ALKBH3: variants seen among roughly 807,000 people sequenced by gnomAD.
ALKBH3 encodes the protein alpha-ketoglutarate-dependent dioxygenase alkB homolog 3.
ALKBH3 carries 51 observed loss-of-function variants against 43.9 expected under a neutral mutation model. The observed-to-expected ratio is 1.16, with a 90% CI of 0.93 to 1.47. ALKBH3 has a LOEUF of 1.47. ALKBH3 is among the 40% of genes most tolerant of loss of function. The probability of loss-of-function intolerance (pLI) is 0.00; values close to 1 mark genes in which losing one functional copy is unlikely to be tolerated. For missense variants in ALKBH3, 361 were observed against 351.9 expected (o/e 1.03, Z -0.21); for synonymous variants, 102 against 115.2 (o/e 0.89, Z 0.73).
chr11:43,896,546 T>C (rs1590371287), intron 7 of ALKBH3, among the ~76,000 whole-genome samples: 1 of 152,298 alleles, frequency 6.6e-6, no homozygotes, highest in East Asian at 1.9e-4. Context: ...GATTAGATTG[T>C]GCTCACCAGA....
intron 7 of ALKBH3, chr11:43,899,144 AC>A: frequency 1.3e-6 from 1 of 780,244 alleles, no homozygotes; most frequent in Non-Finnish European, 2.3e-6. Context: ...CGCCACAGCC[AC>A]CCAAAAAGGA....
At chr11:43,898,635 C>T in intron 7 of ALKBH3, 1 of 732,456 alleles carries the variant, frequency 1.4e-6, no homozygotes, top group Non-Finnish European at 2.6e-6. Flanking sequence ...AAGGGGTGAA[C>T]ATGCGCCACT....
intron 8 of ALKBH3, among the ~76,000 whole-genome samples, chr11:43,904,936 C>T (rs763801675): frequency 3.9e-5 from 6 of 152,068 alleles, no homozygotes; most frequent in Non-Finnish European, 8.8e-5. Flanking sequence ...TCATGTCTGT[C>T]ACCGAGACGT....
intron 7 of ALKBH3, among the ~76,000 whole-genome samples, chr11:43,892,966 A>C (rs35411360): frequency 0.023 from 3,461 of 152,350 alleles, 49 homozygotes; most frequent in Non-Finnish European, 0.033. Flanking sequence ...GGCTGCATTT[A>C]GAATGTGAGC....
intron 7 of ALKBH3, chr11:43,897,555 C>T (rs1646648454): frequency 1.3e-6 from 1 of 781,870 alleles, no homozygotes; most frequent in Non-Finnish European, 2.4e-6. Flanking sequence ...TCCTTTGATT[C>T]CGACATTCAT....
At chr11:43,903,794 C>G (rs528964059) in intron 8 of ALKBH3, among the ~76,000 whole-genome samples, 1 of 152,248 alleles carries the variant, frequency 6.6e-6, no homozygotes, top group South Asian at 2.1e-4. Flanking sequence ...TAAGAATTCC[C>G]TAAGTATGCT....
At chr11:43,908,975 T>C (rs1951916746) in intron 8 of ALKBH3, among the ~76,000 whole-genome samples, 1 of 152,208 alleles carries the variant, frequency 6.6e-6, no homozygotes, top group Non-Finnish European at 1.5e-5. Flanking sequence ...GTGCCTGGTA[T>C]AGGATGATTG....
At chr11:43,915,023 T>C (rs1951972198) in intron 8 of ALKBH3, among the ~76,000 whole-genome samples, 1 of 151,802 alleles carries the variant, frequency 6.6e-6, no homozygotes, top group African/African-American at 2.4e-5. Flanking sequence ...CTGGCCAACA[T>C]GGTGAAACCC....
At chr11:43,915,122 C>T (rs991971983) in intron 8 of ALKBH3, among the ~76,000 whole-genome samples, 2 of 151,468 alleles carry the variant, frequency 1.3e-5, no homozygotes, top group Admixed American at 6.6e-5. Flanking sequence ...GCACAAGAAT[C>T]GCTTGAACCC....
intron 7 of ALKBH3, among the ~76,000 whole-genome samples, chr11:43,895,870 A>G (rs147133454): frequency 1.7e-3 from 266 of 152,318 alleles, no homozygotes; most frequent in African/African-American, 5.9e-3. Flanking sequence ...AAGAATGTCT[A>G]TTGATGAAGT....
intron 9 of ALKBH3, 48 bp downstream of exon 9, chr11:43,919,184 T>C: frequency 2.7e-6 from 4 of 1,492,126 alleles, no homozygotes; most frequent in Non-Finnish European, 3.7e-6. Context: ...GGAGGCAGTT[T>C]CCTGACTCTG....
chr11:43,898,572 T>C, intron 7 of ALKBH3: 2 of 764,810 alleles, frequency 2.6e-6, no homozygotes, highest in Non-Finnish European at 4.8e-6. Context: ...GTGAAGAGAA[T>C]ACAAAAGTCT....
At chr11:43,905,442 G>GTT (rs36013210) in intron 8 of ALKBH3, among the ~76,000 whole-genome samples, 5 of 144,836 alleles carry the variant, frequency 3.5e-5, no homozygotes, top group Admixed American at 1.4e-4. Flanking sequence ...TTTGTTTTTT[G>GTT]TTTTTTTTTT....
rs2135174068 is a variant in ALKBH3, at chr11:43,882,730, A to G, written c.78A>G (p.Pro26=). 1.2e-6 allele frequency: 2 copies of G among 1,611,348 alleles called. No homozygotes were observed. Among genetic ancestry groups the G allele is most frequent in the East Asian group, 2.2e-5 (1 of 44,812 alleles). The change falls in exon 2 of 10, where the codon CCA becomes CCG. Residue 26 remains proline (P), a splice_region_variant and synonymous_variant. Coordinates refer to ENST00000302708, the MANE Select transcript of ALKBH3 (RefSeq NM_139178.4). ...TTAAAAGCCAGGCCATTGCTCAGCC[A>G]GGCAAGAATCTGTAGGGATTTTGTG... The part of the protein sequence containing the change: ...APVKSQAIAQ[P]ATTAKSHLHQ...
At chr11:43,883,843 T>C in intron 3 of ALKBH3, 140 bp from the exon 4 acceptor site, 3 of 882,334 alleles carry the variant, frequency 3.4e-6, no homozygotes, top group Non-Finnish European at 5.2e-6. Flanking sequence ...GACAAGGGTC[T>C]CTAGTGGGTT....
At chr11:43,885,608 C>A (rs1405196942) in intron 4 of ALKBH3, among the ~76,000 whole-genome samples, 1 of 152,212 alleles carries the variant, frequency 6.6e-6, no homozygotes, top group African/African-American at 2.4e-5. Context: ...TGTCACTTTT[C>A]TCATTATGGG....
At chr11:43,886,675 G>C in intron 5 of ALKBH3, 22 bp downstream of exon 5, 1 of 1,610,420 alleles carries the variant, frequency 6.2e-7, no homozygotes, top group South Asian at 1.1e-5. Flanking sequence ...CTCACAAGAA[G>C]TGACCGTAAT....
At chr11:43,910,948 G>A (rs12799128) in intron 8 of ALKBH3, among the ~76,000 whole-genome samples, 4,287 of 152,150 alleles carry the variant, frequency 0.028, 71 homozygotes, top group Non-Finnish European at 0.042. Context: ...CCCCTACTAT[G>A]TGTCAGGTAT....
intron 9 of ALKBH3, chr11:43,919,444 T>C: frequency 2.9e-6 from 1 of 350,790 alleles, no homozygotes; most frequent in Non-Finnish European, 5.1e-6. Flanking sequence ...GAGTTTTTAA[T>C]TTAATTTTAA....
Sources: gnomAD v4.1 joint callset for allele counts (sites outside exome capture counted in the v4.1 genomes callset) on GRCh38, gnomAD v4.1.1 for gene constraint, MANE v1.5 for transcripts, NCBI Gene and HGNC (gene_info 2026-07-23, HGNC 2026-07-21) for gene names.